TBX3: variants seen among roughly 807,000 people sequenced by gnomAD.
TBX3 encodes T-box transcription factor TBX3.
Under a neutral mutation model 47.8 loss-of-function variants are expected in TBX3, and 11 were observed. That is an observed-to-expected ratio of 0.23 (90% CI 0.14 to 0.38). The LOEUF is 0.38. Among genes scored for constraint, TBX3 ranks in the 10% least tolerant of loss-of-function variants. The pLI is 1.00. For synonymous variants in TBX3, 500 were observed against 449.3 expected (o/e 1.11, Z -1.43); for missense variants, 927 against 1,022.8 (o/e 0.91, Z 1.28).
chr12:114,675,798 C>A (rs1227979030), intron 5 of TBX3, among the ~76,000 whole-genome samples: 6 of 151,754 alleles, frequency 4.0e-5, no homozygotes, highest in African/African-American at 9.7e-5. Context: ...CAGTGCTCCA[C>A]CTCCTCTCCC....
rs1410475056 is a variant in TBX3, at chr12:114,683,107, C to A, written c.94G>T (p.Ala32Ser). 1 of 1,612,298 alleles carries A rather than the reference C, an allele frequency of 6.2e-7. No homozygotes were observed. Among genetic ancestry groups the A allele is most frequent in the East Asian group, 2.2e-5 (1 of 44,830 alleles). The change falls in exon 1 of 7, where the codon GCG becomes TCG. Residue 32 changes from alanine (A) to serine (S), a missense_variant. Ala to Ser is a moderately conservative substitution (Grantham distance 99). Around this residue, in one of 5 missense-constraint regions of TBX3, gnomAD observed 216 missense variants for 281.2 expected, o/e 0.77. Coordinates refer to ENST00000349155, the MANE Select transcript of TBX3 (RefSeq NM_005996.4). This position sits in a 1 kb window ranked among gnomAD's most constrained non-coding sequence, Gnocchi z 7.7. Reference protein sequence around the residue: ...PHRAPDFAMSAVLGHQPPFFP... With the variant: ...PHRAPDFAMSSVLGHQPPFFP... ...AACGGCGGCTGGTGACCCAGCACCG[C>A]GCTCATGGCGAAGTCCGGCGCCCGG...
intron 2 of TBX3, 153 bp downstream of exon 2, chr12:114,680,726 A>G (rs1002730381): frequency 8.7e-7 from 1 of 1,152,174 alleles, no homozygotes; most frequent in African/African-American, 1.5e-5. Flanking sequence ...TTGGAGAGAA[A>G]CACCCCGAAT....
rs1213774728 is a variant in TBX3, at chr12:114,676,214, T to G, written c.1039+99A>C. 18 of 1,517,884 alleles carry G rather than the reference T, an allele frequency of 1.2e-5. No individual in the cohort carries two copies. In the South Asian group the frequency reaches 2.0e-4, roughly 17 times the overall value. 94.0% of individuals were successfully genotyped at this position (1,517,884 alleles called of 1,614,324 possible). A position where few individuals can be genotyped will look rare whatever the true frequency, so the allele number is the denominator to read the frequency against. ...AAGGATGTTTAGAAGGCTTCTAGCT[T>G]TTAAAGGGCAAGTGCCCTGGTTGGT... On this transcript the variant is annotated intron_variant, in intron 5 of 6. Transcript: ENST00000349155.
rs562724016 is a variant in TBX3, at chr12:114,683,531, A to G, written c.-331T>C. The G allele has an allele frequency of 4.2e-4, 153 of 368,546 alleles. 3 individuals are homozygous for G. The East Asian group carries it at 6.5e-3, about 16-fold the overall frequency. The allele number at this position is 368,546 out of a possible 1,614,324, so 22.8% of individuals were successfully genotyped here. On this transcript the variant is annotated 5_prime_UTR_variant, in exon 1 of 7. Coordinates refer to ENST00000349155, the MANE Select transcript of TBX3 (RefSeq NM_005996.4). The surrounding 1 kb of genome is among the most constrained non-coding windows in gnomAD (Gnocchi z 7.7). ...GGTTTCAGAAGCGAGAGGAGCGAGC[A>G]GGGTCTCGACTCGCGCCCGAGCCCT...
At chr12:114,679,715 A>C in intron 2 of TBX3, 64 bp from the exon 3 acceptor site, 1 of 1,610,596 alleles carries the variant, frequency 6.2e-7, no homozygotes, top group African/African-American at 1.3e-5. Flanking sequence ...ACGGGATCTT[A>C]GGACCCCTGC....
rs936879280 is a variant in TBX3, at chr12:114,674,356, T to C, written c.1519A>G (p.Met507Val). The C allele has an allele frequency of 5.8e-6, 9 of 1,556,134 alleles. No individual in the cohort carries two copies. Among genetic ancestry groups the C allele is most frequent in the Non-Finnish European group, 7.8e-6 (9 of 1,150,122 alleles). Residue 507 changes from methionine to valine, a missense_variant, in exon 6 of 7, where the codon ATG becomes GTG. By Grantham distance (21) the Met-to-Val change is conservative. Transcript: ENST00000349155. ...PLFLHPSQFA[M>V]GGAFSSMAAA... The stretch of plus-strand genomic sequence containing the variant: ...GCCATGCTGGAGAAGGCGCCCCCCA[T>C]GGCAAACTGGCTGGGGTGCAGGAAG...
chr12:114,683,387 G>T lies in TBX3; in HGVS notation c.-187C>A. On this transcript the variant is annotated 5_prime_UTR_variant, in exon 1 of 7. Transcript: ENST00000349155. This position sits in a 1 kb window ranked among gnomAD's most constrained non-coding sequence, Gnocchi z 7.7. ...ATGCACTTCAAAGGGAGGAGGGGAAGTGTCTTTTGGAGAATGGGAGGCCGC... is the reference window on the plus strand; with the variant it reads ...ATGCACTTCAAAGGGAGGAGGGGAATTGTCTTTTGGAGAATGGGAGGCCGC... The T allele has an allele frequency of 1.3e-6, 1 of 773,906 alleles. No homozygotes were observed. Among genetic ancestry groups the T allele is most frequent in the Non-Finnish European group, 2.0e-6 (1 of 503,400 alleles). The allele number at this position is 773,906 out of a possible 1,614,324, so 47.9% of individuals were successfully genotyped here. A position where few individuals can be genotyped will look rare whatever the true frequency, so the allele number is the denominator to read the frequency against.
At position 114,681,149 on chromosome 12, in the gene TBX3, A is replaced by G. The variant is rs1234195808; in HGVS notation, c.390-3T>C. The G allele has an allele frequency of 6.2e-7, 1 of 1,614,082 alleles. No homozygotes were observed. On this transcript the variant is annotated splice_region_variant and splice_polypyrimidine_tract_variant and intron_variant, in intron 1 of 6. Coordinates refer to ENST00000349155, the MANE Select transcript of TBX3 (RefSeq NM_005996.4). ...CTTTAAATGGAGGAAACATTCGCCTATAAAACGAAAGAATAGAAAAGAAAA... is the reference window on the plus strand; with the variant it reads ...CTTTAAATGGAGGAAACATTCGCCTGTAAAACGAAAGAATAGAAAAGAAAA...
intron 5 of TBX3, among the ~76,000 whole-genome samples, chr12:114,675,127 T>C (rs752708455): frequency 1.3e-5 from 2 of 152,236 alleles, no homozygotes; most frequent in Non-Finnish European, 2.9e-5. Flanking sequence ...CTTCTTATTT[T>C]AATGAATTTT....
In TBX3 at chr12:114,672,166, G is replaced by T. The variant is rs755181770; in HGVS notation, c.1847C>A (p.Pro616Gln). 1 of 1,570,892 alleles carries T rather than the reference G, an allele frequency of 6.4e-7. No individual in the cohort carries two copies. Among genetic ancestry groups the T allele is most frequent in the East Asian group, 2.3e-5 (1 of 42,626 alleles). The change falls in exon 7 of 7, where the codon CCG becomes CAG. Residue 616 changes from proline to glutamine, a missense_variant. Pro to Gln is a moderately conservative substitution (Grantham distance 76). This residue lies in a region of TBX3 where 623 missense variants were observed against 569.0 expected (regional missense o/e 1.09). Coordinates refer to ENST00000349155, the MANE Select transcript of TBX3 (RefSeq NM_005996.4). ...HPFLNLNTMR[P>Q]RLRYSPYSIP... Reference sequence around the variant, plus strand: ...GGAGTAGGGGCTGTAGCGCAGCCGCGGGCGCATGGTGTTCAGATTGAGGAA... The same window carrying T: ...GGAGTAGGGGCTGTAGCGCAGCCGCTGGCGCATGGTGTTCAGATTGAGGAA...
rs573202750 is a variant in TBX3 at position 114,673,930 on chromosome 12, A to T, written c.1710+235T>A. Among the ~76,000 whole-genome samples the T allele has an allele frequency of 4.5e-4, 68 of 152,330 alleles. 1 individual carries two copies. The highest frequency in any genetic ancestry group is 1.3e-3 in the African/African-American group (56 of 41,580). ...CCAGCTGTTATCTTTGTTACTACCT[A>T]TCTACTCTGCTGGAAACAGCCTTTA... is the stretch of plus-strand genomic sequence containing the variant. On this transcript the variant is annotated intron_variant, in intron 6 of 6. Transcript: ENST00000349155.
At position 114,683,088 on chromosome 12, in the gene TBX3, G is replaced by C; in HGVS notation, c.113C>G (p.Pro38Arg). The C allele has an allele frequency of 6.2e-7, 1 of 1,610,846 alleles. No homozygotes were observed. The highest frequency in any genetic ancestry group is 1.1e-5 in the South Asian group (1 of 91,026). Residue 38 changes from proline to arginine, a missense_variant, in exon 1 of 7, where the codon CCG becomes CGG. Pro to Arg is a moderately radical substitution (Grantham distance 103). Around this residue, in one of 5 missense-constraint regions of TBX3, gnomAD observed 216 missense variants for 281.2 expected, o/e 0.77. Transcript: ENST00000349155. This position sits in a 1 kb window ranked among gnomAD's most constrained non-coding sequence, Gnocchi z 7.7. ...FAMSAVLGHQ[P>R]PFFPALTLPP... Reference sequence around the variant, plus strand: ...CAGCGTCAGCGCGGGGAAGAACGGCGGCTGGTGACCCAGCACCGCGCTCAT... The same window carrying C: ...CAGCGTCAGCGCGGGGAAGAACGGCCGCTGGTGACCCAGCACCGCGCTCAT...
At chr12:114,673,812 A>G (rs1868565369) in intron 6 of TBX3, among the ~76,000 whole-genome samples, 1 of 152,190 alleles carries the variant, frequency 6.6e-6, no homozygotes, top group Admixed American at 6.5e-5. Flanking sequence ...TCATCTGTAA[A>G]GTGGAGGTGA....
At position 114,672,177 on chromosome 12, in the gene TBX3, G is replaced by A. The variant is rs1040183921; in HGVS notation, c.1836C>T (p.Asn612=). 2 of 1,572,838 alleles carry A rather than the reference G, an allele frequency of 1.3e-6. No homozygotes were observed. The highest frequency in any genetic ancestry group is 1.7e-6 in the Non-Finnish European group (2 of 1,160,114). The change falls in exon 7 of 7, where the codon AAC becomes AAT. Residue 612 remains asparagine (N), a synonymous_variant. Transcript: ENST00000349155. ...SVHRHPFLNL[N]TMRPRLRYSP... ...TGTAGCGCAGCCGCGGGCGCATGGTGTTCAGATTGAGGAAGGGGTGGCGGT... is the reference window on the plus strand; with the variant it reads ...TGTAGCGCAGCCGCGGGCGCATGGTATTCAGATTGAGGAAGGGGTGGCGGT...
chr12:114,672,248 C>A lies in TBX3; in HGVS notation c.1765G>T (p.Ala589Ser). 6.3e-7 allele frequency: 1 copy of A among 1,575,620 alleles called. No individual in the cohort carries two copies. The highest frequency in any genetic ancestry group is 8.6e-7 in the Non-Finnish European group (1 of 1,161,524). ...GCAGAGGAGGCGGCCGCCGCTGCGG[C>A]CATGTACGTGTAGGGGTAAGGGAAC... is the stretch of plus-strand genomic sequence containing the variant. ...SLFPYPYTYM[A>S]AAAAASSAAA... Residue 589 changes from alanine (A) to serine (S), a missense_variant, in exon 7 of 7, where the codon GCC (alanine) becomes TCC (serine). Coordinates refer to ENST00000349155, the MANE Select transcript of TBX3 (RefSeq NM_005996.4).
rs544887892 is a variant in TBX3 at position 114,670,654 on chromosome 12, C to T, written c.*1187G>A. On this transcript the variant is annotated 3_prime_UTR_variant, in exon 7 of 7. Transcript: ENST00000349155. ...ATTTTGGTGAAAATAGGAAATAGCA[C>T]TTTCCCCCACTTTTGGACATTAAAA... 4 of 209,296 alleles carry T rather than the reference C, an allele frequency of 1.9e-5. No individual in the cohort carries two copies. The highest frequency in any genetic ancestry group is 6.0e-5 in the Admixed American group (1 of 16,574). The allele number at this position is 209,296 out of a possible 1,614,324, so 13.0% of individuals were successfully genotyped here. A position where few individuals can be genotyped will look rare whatever the true frequency, so the allele number is the denominator to read the frequency against.
At chr12:114,682,767 A>G in intron 1 of TBX3, 45 bp downstream of exon 1, 3 of 1,613,902 alleles carry the variant, frequency 1.9e-6, no homozygotes, top group East Asian at 2.2e-5. Flanking sequence ...TAAAGGGAGG[A>G]AAAAACTCTC....
rs375700772 is a variant in TBX3 at position 114,676,269 on chromosome 12, A to G, written c.1039+44T>C. 3.1e-6 allele frequency: 5 copies of G among 1,611,532 alleles called. No homozygotes were observed. In the African/African-American group the frequency reaches 6.7e-5, roughly 22 times the overall value. ...CATCCCCCTTCAACTCTTCCAGGCCACGAGGGACTGGAGTCCAGTGATCAC... is the reference window on the plus strand; with the variant it reads ...CATCCCCCTTCAACTCTTCCAGGCCGCGAGGGACTGGAGTCCAGTGATCAC... On this transcript the variant is annotated intron_variant, in intron 5 of 6. Coordinates refer to ENST00000349155, the MANE Select transcript of TBX3 (RefSeq NM_005996.4).
At chr12:114,676,183 C>T (rs1399752831) in intron 5 of TBX3, 130 bp downstream of exon 5, 2 of 1,206,462 alleles carry the variant, frequency 1.7e-6, no homozygotes, top group Admixed American at 4.3e-5. Flanking sequence ...ACTCTGGCTT[C>T]TGTTTAAGGA....
Sources: allele counts gnomAD v4.1 joint callset (sites outside exome capture counted in the v4.1 genomes callset), GRCh38; gene constraint gnomAD v4.1.1; regional missense constraint gnomAD v4.1.1; non-coding constraint Gnocchi (gnomAD v3.1); transcripts MANE v1.5; gene names NCBI Gene and HGNC (gene_info 2026-07-23, HGNC 2026-07-21).